The following MBNL1 variants were observed in gnomAD, a reference collection of about 807,000 sequenced individuals.
The protein encoded by MBNL1 is muscleblind-like protein 1.
MBNL1 carries 8 observed loss-of-function variants against 42.2 expected under a neutral mutation model. The ratio of observed to expected loss-of-function variants is 0.19; its 90% CI spans 0.11 to 0.34. The LOEUF is 0.34. Among genes scored for constraint, MBNL1 ranks in the 10% least tolerant of loss-of-function variants. The pLI, the probability that MBNL1 is intolerant of heterozygous loss-of-function variation, is 1.00. For missense variants in MBNL1, 309 were observed against 495.3 expected, an observed-to-expected ratio of 0.62 and a Z score of 3.57; for synonymous variants, 169 against 173.9, an observed-to-expected ratio of 0.97 and a Z score of 0.22.
intron 2 of MBNL1, among the ~76,000 whole-genome samples, chr3:152,411,699 T>C (rs543945740): frequency 6.6e-6 from 1 of 152,314 alleles, no homozygotes; most frequent in African/African-American, 2.4e-5. Flanking sequence ...TTTTAGACTT[T>C]TAAAATGTAA....
intron 1 of MBNL1, among the ~76,000 whole-genome samples, chr3:152,272,445 TATC>T (rs1353246549): frequency 2.6e-5 from 4 of 152,130 alleles, no homozygotes; most frequent in Non-Finnish European, 2.9e-5. Flanking sequence ...ACACTGTAGT[TATC>T]ATTGTCCTGA....
intron 2 of MBNL1, among the ~76,000 whole-genome samples, chr3:152,307,470 G>A (rs904947455): frequency 2.0e-5 from 3 of 152,182 alleles, no homozygotes; most frequent in African/African-American, 7.2e-5. Context: ...AAATAACAAG[G>A]TGAGTTAATA....
At chr3:152,419,527 G>A (rs370277483) in intron 3 of MBNL1, among the ~76,000 whole-genome samples, 12 of 152,104 alleles carry the variant, frequency 7.9e-5, no homozygotes, top group East Asian at 1.9e-4. Context: ...CTGCTGTGAC[G>A]GATGGTGCTG....
intron 2 of MBNL1, among the ~76,000 whole-genome samples, chr3:152,381,693 C>T (rs1370412591): frequency 1.3e-5 from 2 of 151,662 alleles, no homozygotes; most frequent in African/African-American, 4.8e-5. Context: ...TCTTTTCATT[C>T]ACATGTTAAT....
chr3:152,448,648 G>A (rs552583922), intron 6 of MBNL1, among the ~76,000 whole-genome samples: 135 of 151,984 alleles, frequency 8.9e-4, no homozygotes, highest in Non-Finnish European at 1.5e-3. Context: ...TTAAATTAAT[G>A]AGTAGATATA....
intron 2 of MBNL1, among the ~76,000 whole-genome samples, chr3:152,260,729 T>C (rs2036111828): frequency 6.6e-6 from 1 of 152,204 alleles, no homozygotes; most frequent in African/African-American, 2.4e-5. Flanking sequence ...GGATTCTCCT[T>C]TGTGTGATCT....
At chr3:152,251,321 G>A (rs1029946475) in intron 2 of MBNL1, among the ~76,000 whole-genome samples, 2 of 151,986 alleles carry the variant, frequency 1.3e-5, no homozygotes, top group African/African-American at 4.8e-5. Flanking sequence ...TGTAACGCAT[G>A]TTTTAAAACA....
At chr3:152,315,866 ACTCTCT>A (rs113762203) in intron 2 of MBNL1, among the ~76,000 whole-genome samples, 206 of 149,174 alleles carry the variant, frequency 1.4e-3, no homozygotes, top group East Asian at 4.7e-3. Flanking sequence ...ACACACACAC[ACTCTCT>A]CTCTCTCTCT....
rs2099026409 is a variant in MBNL1, at chr3:152,433,008, A to G, written c.549+88A>G. The G allele has an allele frequency of 2.4e-6, 3 of 1,238,024 alleles. No individual in the cohort carries two copies. In the Admixed American group the frequency reaches 7.1e-5, roughly 29 times the overall value. 76.7% of individuals were successfully genotyped at this position (1,238,024 alleles called of 1,614,324 possible). A position where few individuals can be genotyped will look rare whatever the true frequency, so the allele number is the denominator to read the frequency against. On this transcript the variant is annotated intron_variant, in intron 4 of 9. Coordinates refer to ENST00000324210, the MANE Select transcript of MBNL1 (RefSeq NM_021038.5). ...TTTGTTTGTGTGTTTCCATGGCCAAAAAGTTGTAAAAATTTTAAAACAGAT... is the reference window on the plus strand; with the variant it reads ...TTTGTTTGTGTGTTTCCATGGCCAAGAAGTTGTAAAAATTTTAAAACAGAT...
chr3:152,296,704 T>C (rs75754766), intron 1 of MBNL1, among the ~76,000 whole-genome samples: 4,161 of 143,828 alleles, frequency 0.029, 203 homozygotes, highest in African/African-American at 0.098. Context: ...GTGTGTGTTT[T>C]CAAATGTATG....
chr3:152,325,112 A>G (rs997590901), intron 2 of MBNL1, among the ~76,000 whole-genome samples: 2 of 46,390 alleles, frequency 4.3e-5, no homozygotes, highest in Non-Finnish European at 7.9e-5. Flanking sequence ...CTTTTTTTTC[A>G]TTTGTTTTTG....
At chr3:152,291,551 C>T (rs1451063173) in intron 1 of MBNL1, among the ~76,000 whole-genome samples, 1 of 152,158 alleles carries the variant, frequency 6.6e-6, no homozygotes, top group Non-Finnish European at 1.5e-5. Flanking sequence ...GTCTGATATA[C>T]TAAGAAAAAT....
intron 2 of MBNL1, among the ~76,000 whole-genome samples, chr3:152,304,332 T>C (rs1031255368): frequency 2.6e-5 from 4 of 152,212 alleles, no homozygotes; most frequent in African/African-American, 9.6e-5. Context: ...ATCCAGAAAT[T>C]GCCTGTGTTG....
intron 2 of MBNL1, among the ~76,000 whole-genome samples, chr3:152,401,892 T>G (rs2098238295): frequency 6.6e-6 from 1 of 151,872 alleles, no homozygotes; most frequent in Admixed American, 6.6e-5. Context: ...ATCAGCCGTG[T>G]GTTGTGGCAG....
At chr3:152,245,774 G>C (rs2032813229) in intron 2 of MBNL1, among the ~76,000 whole-genome samples, 1 of 152,128 alleles carries the variant, frequency 6.6e-6, no homozygotes, top group Admixed American at 6.6e-5. Context: ...ATTATAGGGA[G>C]AAGGAAAGCA....
intron 2 of MBNL1, among the ~76,000 whole-genome samples, chr3:152,394,359 G>A (rs888619161): frequency 6.6e-6 from 1 of 152,162 alleles, no homozygotes. Flanking sequence ...AACACCACTA[G>A]CTATTTGAAT....
Position 152,445,497 on chromosome 3 carries a change from CCAGGCTGCAGCTGCA to C in MBNL1, c.777_791del (p.Ala260_Ala264del), listed in dbSNP as rs1424712671. ...TCAAGGCTGCCCAATACCAGGTCAA[CCAGGCTGCAGCTGCA>C]CAGGCTGCAGCCACCGCAGCTGCCA... On this transcript the variant is annotated inframe_deletion, in exon 5 of 10. Coordinates refer to ENST00000324210, the MANE Select transcript of MBNL1 (RefSeq NM_021038.5). The C allele has an allele frequency of 1.2e-6, 2 of 1,613,922 alleles. No homozygotes were observed. The highest frequency in any genetic ancestry group is 1.7e-6 in the Non-Finnish European group (2 of 1,179,948).
intron 2 of MBNL1, among the ~76,000 whole-genome samples, chr3:152,375,288 A>G (rs2096849602): frequency 6.6e-6 from 1 of 152,220 alleles, no homozygotes; most frequent in South Asian, 2.1e-4. Context: ...CTATTCTCAC[A>G]ATTAAGTGTG....
chr3:152,348,164 G>A (rs1250625022), intron 2 of MBNL1, among the ~76,000 whole-genome samples: 1 of 152,088 alleles, frequency 6.6e-6, no homozygotes, highest in Non-Finnish European at 1.5e-5. Flanking sequence ...GGAATGTAAT[G>A]GGAGGAGAGA....
Sources: gnomAD v4.1 joint callset for allele counts (sites outside exome capture counted in the v4.1 genomes callset) on GRCh38, gnomAD v4.1.1 for gene constraint, MANE v1.5 for transcripts, NCBI Gene and HGNC (gene_info 2026-07-23, HGNC 2026-07-21) for gene names.